HEPN1: variants seen among roughly 807,000 people sequenced by gnomAD.
HEPN1 encodes the protein hepatocellular carcinoma, down-regulated 1.
For missense variants in HEPN1, 97 were observed against 103.3 expected, an observed-to-expected ratio of 0.94 and a Z score of 0.26; for synonymous variants, 46 against 41.2, an observed-to-expected ratio of 1.12 and a Z score of -0.45.
exon 1 of HEPN1, chr11:124,920,114 C>A: frequency 7.3e-7 from 1 of 1,368,666 alleles, no homozygotes; most frequent in Non-Finnish European, 1.0e-6. Flanking sequence ...ATGTTCCCCC[C>A]AAATGCTGGG....
chr11:124,920,677 G>GC (rs1565336624), downstream of HEPN1: 22 of 108,148 alleles, frequency 2.0e-4, no homozygotes, highest in African/African-American at 3.0e-3. Flanking sequence ...ATCTGAACTT[G>GC]CAAAAAAAAA....
chr11:124,920,598 C>T, exon 1 of HEPN1: 1 of 1,134,240 alleles, frequency 8.8e-7, no homozygotes, highest in Non-Finnish European at 1.1e-6. Flanking sequence ...CCCCTGCACA[C>T]CCAGTAACCG....
the HEPN1 span, chr11:124,919,786 TG>T: frequency 6.2e-7 from 1 of 1,614,108 alleles, no homozygotes; most frequent in South Asian, 1.1e-5. Context: ...CTCCATGGGT[TG>T]ATGGCGAATC....
chr11:124,920,314 G>A lies in HEPN1; in HGVS notation c.*297G>A, dbSNP rs150396894. ...CTCATTTGGTCTAGTTTTCGGGCCA[G>A]GGGAGTAAGTGAAATTCACTTCTCT... On this transcript the variant is annotated 3_prime_UTR_variant, in exon 1 of 1. Coordinates refer to ENST00000408930, the Ensembl canonical transcript of HEPN1. The A allele has an allele frequency of 2.4e-5, 33 of 1,357,338 alleles. No individual in the cohort carries two copies. In the African/African-American group the frequency reaches 3.9e-4, roughly 16 times the overall value. The allele number at this position is 1,357,338 out of a possible 1,614,324, so 84.1% of individuals were successfully genotyped here.
exon 1 of HEPN1, chr11:124,919,798 A>G (rs759835890): frequency 6.2e-7 from 1 of 1,614,188 alleles, no homozygotes; most frequent in Non-Finnish European, 8.5e-7. Context: ...ATGGCGAATC[A>G]GAGCTGGAGT....
exon 1 of HEPN1, chr11:124,920,612 T>A: frequency 9.3e-7 from 1 of 1,077,904 alleles, no homozygotes. Flanking sequence ...GTAACCGGCA[T>A]CTGGCTTCTC....
exon 1 of HEPN1, chr11:124,920,563 C>T (rs1255234682): frequency 1.4e-5 from 19 of 1,331,914 alleles, no homozygotes; most frequent in Non-Finnish European, 1.6e-5. Context: ...AAGGCCTTCA[C>T]AATGATCCCC....
chr11:124,919,696 C>T, exon 1 of HEPN1: 4 of 1,591,118 alleles, frequency 2.5e-6, no homozygotes, highest in Non-Finnish European at 1.7e-6. Flanking sequence ...AGGGGGCAAA[C>T]TAGAAATGTC....
chr11:124,920,677 G>GAAAAAAAA (rs1565336612), downstream of HEPN1: 107 of 108,108 alleles, frequency 9.9e-4, 8 homozygotes, highest in African/African-American at 0.017. Flanking sequence ...ATCTGAACTT[G>GAAAAAAAA]CAAAAAAAAA....
chr11:124,919,450 C>T (rs1269829341), exon 1 of HEPN1: 3 of 405,530 alleles, frequency 7.4e-6, no homozygotes, highest in Non-Finnish European at 1.3e-5. Context: ...GGCATGTTCT[C>T]ATCTCACCCT....
At chr11:124,919,684 A>G in exon 1 of HEPN1, 1 of 1,564,798 alleles carries the variant, frequency 6.4e-7, no homozygotes, top group Non-Finnish European at 8.7e-7. Context: ...GGTTCAGGGC[A>G]GAGGGGGCAA....
At chr11:124,919,784 G>A (rs773210098) in exon 1 of HEPN1, 3 of 1,614,030 alleles carry the variant, frequency 1.9e-6, no homozygotes, top group Admixed American at 1.7e-5. Context: ...TGCTCCATGG[G>A]TTGATGGCGA....
chr11:124,919,844 T>C (rs780021223), exon 1 of HEPN1: 1 of 1,614,132 alleles, frequency 6.2e-7, no homozygotes, highest in South Asian at 1.1e-5. Flanking sequence ...CTTGGAGGCA[T>C]TAAGGAGGAG....
At chr11:124,919,961 C>T (rs1947102650) in exon 1 of HEPN1, 5 of 1,613,692 alleles carry the variant, frequency 3.1e-6, no homozygotes, top group Non-Finnish European at 4.2e-6. Context: ...TAGGCGGTGG[C>T]ATGGGCATGT....
In HEPN1 at chr11:124,919,711, C is replaced by G. The variant is rs1221855020; in HGVS notation, c.-40C>G. On this transcript the variant is annotated 5_prime_UTR_variant, in exon 1 of 1. Transcript: ENST00000408930. Reference sequence around the variant, plus strand: ...AGGGGGCAAACTAGAAATGTCAGTGCCTTTGGGGCTGAGACAAAACTTGAC... The same window carrying G: ...AGGGGGCAAACTAGAAATGTCAGTGGCTTTGGGGCTGAGACAAAACTTGAC... The G allele has an allele frequency of 2.5e-6, 4 of 1,604,608 alleles. No homozygotes were observed. In the Admixed American group the frequency reaches 5.0e-5, roughly 20 times the overall value.
rs1389115651 is a variant in HEPN1, at chr11:124,919,279, T to C, written c.-472T>C. 1 of 159,474 alleles carries C rather than the reference T, an allele frequency of 6.3e-6. No individual in the cohort carries two copies. Among genetic ancestry groups the C allele is most frequent in the Non-Finnish European group, 1.4e-5 (1 of 72,672 alleles). The allele number at this position is 159,474 out of a possible 1,614,324, so 9.9% of individuals were successfully genotyped here. On this transcript the variant is annotated 5_prime_UTR_variant, in exon 1 of 1. It removes an upstream start codon present in the reference 5' UTR. Coordinates refer to ENST00000408930, the Ensembl canonical transcript of HEPN1. ...TCAAAAGTTTATTGAGCATCCAGTATGTGCTAGGCACTCTGCTGGATGCTA... is the reference window on the plus strand; with the variant it reads ...TCAAAAGTTTATTGAGCATCCAGTACGTGCTAGGCACTCTGCTGGATGCTA...
At chr11:124,919,494 A>G (rs554825783) in exon 1 of HEPN1, 1 of 533,898 alleles carries the variant, frequency 1.9e-6, no homozygotes. Flanking sequence ...GCTGACCAGC[A>G]GGTACTCCTT....
chr11:124,919,724 G>C, exon 1 of HEPN1: 1 of 1,610,226 alleles, frequency 6.2e-7, no homozygotes. Flanking sequence ...TTGGGGCTGA[G>C]ACAAAACTTG....
chr11:124,919,500 TC>T lies in HEPN1; in HGVS notation c.-249del, dbSNP rs544201825. 9.9e-5 allele frequency: 54 copies of T among 545,648 alleles called. 1 individual carries two copies. Among genetic ancestry groups the T allele is most frequent in the South Asian group, 9.5e-4 (40 of 42,212 alleles). The allele number at this position is 545,648 out of a possible 1,614,324, so 33.8% of individuals were successfully genotyped here. A position where few individuals can be genotyped will look rare whatever the true frequency, so the allele number is the denominator to read the frequency against. On this transcript the variant is annotated 5_prime_UTR_variant, in exon 1 of 1. The change abolishes the stop of an existing upstream ORF in the 5' untranslated region. Coordinates refer to ENST00000408930, the Ensembl canonical transcript of HEPN1. The stretch of plus-strand genomic sequence containing the variant: ...CATCTCAAGGCTGACCAGCAGGTAC[TC>T]CTTATCCAAGTCCTGCTGCCTCTTC...
Sources: gnomAD v4.1 joint callset for allele counts on GRCh38, gnomAD v4.1.1 for gene constraint, MANE v1.5 for transcripts, NCBI Gene and HGNC (gene_info 2026-07-23, HGNC 2026-07-21) for gene names.